The following FAM131B variants were observed in gnomAD, a reference collection of about 807,000 sequenced individuals.
FAM131B encodes family with sequence similarity 131 member B.
In FAM131B, 19 loss-of-function variants were observed where a neutral mutation model predicts 42.0. That is an observed-to-expected ratio of 0.45 (90% CI 0.32 to 0.66). The LOEUF (loss-of-function observed/expected upper bound fraction) is 0.66. Among genes scored for constraint, FAM131B ranks in the 30% least tolerant of loss-of-function variants. FAM131B has a pLI of 0.05. For missense variants in FAM131B, 370 were observed against 468.4 expected, an observed-to-expected ratio of 0.79 and a Z score of 1.94; for synonymous variants, 183 against 177.6, an observed-to-expected ratio of 1.03 and a Z score of -0.24.
At chr7:143,365,394 G>T (rs187079767), upstream of FAM131B, among the ~76,000 whole-genome samples, 51 of 152,106 alleles carry the variant, frequency 3.4e-4, no homozygotes, top group African/African-American at 1.2e-3. Flanking sequence ...GAGAGATAGA[G>T]AAAAAAATAA....
chr7:143,360,058 G>A lies in FAM131B; in HGVS notation c.120C>T (p.Leu40=), dbSNP rs756015911. 6.2e-7 allele frequency: 1 copy of A among 1,613,676 alleles called. No individual in the cohort carries two copies. Among genetic ancestry groups the A allele is most frequent in the Non-Finnish European group, 8.5e-7 (1 of 1,179,732 alleles). The part of the protein sequence containing the change: ...DSTSSLHGSS[L]HRPSTEQTRT... ...GTCTCACCTCAGTCGATGGCCGATG[G>A]AGGCTGCTCCCGTGCAGTGAGCTGG... The change falls in exon 2 of 7, where the codon CTC becomes CTT. Residue 40 remains leucine, a synonymous_variant. Transcript: ENST00000443739.
the FAM131B span, chr7:143,381,186 T>C: frequency 8.1e-6 from 8 of 990,402 alleles, no homozygotes; most frequent in Non-Finnish European, 9.6e-6. Flanking sequence ...CCTGGGGGAG[T>C]TTCCTGCCTG....
the FAM131B span, among the ~76,000 whole-genome samples, chr7:143,370,666 G>C: frequency 6.6e-6 from 1 of 152,086 alleles, no homozygotes; most frequent in Non-Finnish European, 1.5e-5. Flanking sequence ...GGTCTAAAAT[G>C]GGGAGGTATG....
Position 143,356,592 on chromosome 7 carries a change from A to G in FAM131B, c.1041T>C (p.Gly347=), listed in dbSNP as rs773075112. The stretch of plus-strand genomic sequence containing the variant: ...CTTCCTCCTCATCAAAGGACTGCAC[A>G]CCTGAGGATGTGACGTCAGACACCT... ...SRKVSDVTSS[G]VQSFDEEEGE... The change falls in exon 7 of 7, where the codon GGT becomes GGC. Residue 347 remains glycine (G), a synonymous_variant. Coordinates refer to ENST00000443739, the MANE Select transcript of FAM131B (RefSeq NM_001031690.3). The surrounding 1 kb of genome is among the most constrained non-coding windows in gnomAD (Gnocchi z 4.4). 6.2e-7 allele frequency: 1 copy of G among 1,613,888 alleles called. No individual in the cohort carries two copies. The highest frequency in any genetic ancestry group is 1.7e-5 in the Admixed American group (1 of 59,992).
At position 143,359,313 on chromosome 7, in the gene FAM131B, T is replaced by C. The variant is rs1245018418; in HGVS notation, c.268+13A>G. On this transcript the variant is annotated intron_variant, in intron 4 of 6. Coordinates refer to ENST00000443739, the MANE Select transcript of FAM131B (RefSeq NM_001031690.3). The surrounding 1 kb of genome is among the most constrained non-coding windows in gnomAD (Gnocchi z 5.4). ...TATTTTGTCTGAAGGCATTCTTACATCAGGAGTCTCACCTGAGAATGATGA... is the reference window on the plus strand; with the variant it reads ...TATTTTGTCTGAAGGCATTCTTACACCAGGAGTCTCACCTGAGAATGATGA... The C allele has an allele frequency of 6.3e-7, 1 of 1,596,050 alleles. No individual in the cohort carries two copies. Among genetic ancestry groups the C allele is most frequent in the East Asian group, 2.2e-5 (1 of 44,758 alleles).
At chr7:143,374,811 T>G in the FAM131B span, among the ~76,000 whole-genome samples, 1 of 152,224 alleles carries the variant, frequency 6.6e-6, no homozygotes, top group African/African-American at 2.4e-5. Context: ...CTTTGCATAC[T>G]TAACTTCTGC....
At chr7:143,378,369 A>C in the FAM131B span, among the ~76,000 whole-genome samples, 1 of 152,116 alleles carries the variant, frequency 6.6e-6, no homozygotes, top group Non-Finnish European at 1.5e-5. Flanking sequence ...GAGGCGCGTG[A>C]AGATGTTTTA....
chr7:143,381,857 C>G, the FAM131B span: 2 of 1,368,182 alleles, frequency 1.5e-6, no homozygotes, highest in African/African-American at 2.9e-5. Context: ...TTGGGGATGT[C>G]TGGAAAGGTT....
the FAM131B span, among the ~76,000 whole-genome samples, chr7:143,378,194 A>G: frequency 6.6e-6 from 1 of 152,236 alleles, no homozygotes; most frequent in Non-Finnish European, 1.5e-5. Context: ...TGCAGTTGGC[A>G]TATGGAAAGA....
the FAM131B span, among the ~76,000 whole-genome samples, chr7:143,372,499 G>A: frequency 1.3e-5 from 2 of 152,240 alleles, no homozygotes; most frequent in Non-Finnish European, 2.9e-5. Flanking sequence ...ATTGTACAGA[G>A]ATGGCTCAGG....
chr7:143,358,827 C>G lies in FAM131B; in HGVS notation c.466G>C (p.Gly156Arg), dbSNP rs772453659. Residue 156 changes from glycine (G) to arginine (R), a missense_variant and splice_region_variant, in exon 5 of 7, where the codon GGC (glycine) becomes CGC (arginine). Coordinates refer to ENST00000443739, the MANE Select transcript of FAM131B (RefSeq NM_001031690.3). This position sits in a 1 kb window ranked among gnomAD's most constrained non-coding sequence, Gnocchi z 4.7. ...TCTTGAGGCTTTAGGGTACCTGTAC[C>G]TGCTAGAAAACGTGCCTCCTTCTCG... Reference protein sequence around the residue: ...DGEKEARFLAGVMEQFAISEA... With the variant: ...DGEKEARFLARVMEQFAISEA... 6.2e-7 allele frequency: 1 copy of G among 1,613,744 alleles called. No homozygotes were observed. Among genetic ancestry groups the G allele is most frequent in the Non-Finnish European group, 8.5e-7 (1 of 1,179,844 alleles).
At position 143,356,708 on chromosome 7, in the gene FAM131B, C is replaced by T; in HGVS notation, c.925G>A (p.Ala309Thr). 1 of 1,614,168 alleles carries T rather than the reference C, an allele frequency of 6.2e-7. No individual in the cohort carries two copies. Among genetic ancestry groups the T allele is most frequent in the Non-Finnish European group, 8.5e-7 (1 of 1,180,026 alleles). ...GPAEEEKRPL[A>T]PEEEEDAGCR... The stretch of plus-strand genomic sequence containing the variant: ...CCCGCATCCTCTTCCTCCTCAGGTG[C>T]CAATGGCCTCTTCTCCTCCTCAGCA... Residue 309 changes from alanine to threonine, a missense_variant, in exon 7 of 7, where the codon GCA (alanine) becomes ACA (threonine). Coordinates refer to ENST00000443739, the MANE Select transcript of FAM131B (RefSeq NM_001031690.3). This position sits in a 1 kb window ranked among gnomAD's most constrained non-coding sequence, Gnocchi z 4.4.
the FAM131B span, chr7:143,381,733 C>T: frequency 3.8e-6 from 6 of 1,598,754 alleles, no homozygotes; most frequent in Non-Finnish European, 5.1e-6. Context: ...GGGCCCAGCG[C>T]GCACAGATGG....
At position 143,354,843 on chromosome 7, in the gene FAM131B, T is replaced by A. The variant is rs1330656546; in HGVS notation, c.*1707A>T. On this transcript the variant is annotated 3_prime_UTR_variant, in exon 7 of 7. Coordinates refer to ENST00000443739, the MANE Select transcript of FAM131B (RefSeq NM_001031690.3). ...GAAGTGTGAGTAAGAGAGTATGAACTTGATGGCGGGACAGGACCATAGATG... is the reference window on the plus strand; with the variant it reads ...GAAGTGTGAGTAAGAGAGTATGAACATGATGGCGGGACAGGACCATAGATG... 2 of 152,288 alleles carry A rather than the reference T, an allele frequency of 1.3e-5. No individual in the cohort carries two copies. The highest frequency in any genetic ancestry group is 4.8e-5 in the African/African-American group (2 of 41,424). 9.4% of individuals were successfully genotyped at this position (152,288 alleles called of 1,614,324 possible).
the FAM131B span, chr7:143,381,481 G>A: frequency 1.4e-6 from 2 of 1,397,516 alleles, no homozygotes; most frequent in Non-Finnish European, 1.9e-6. Flanking sequence ...GCGAGTGGGG[G>A]TCACCAAGGG....
At chr7:143,368,632 C>A in the FAM131B span, among the ~76,000 whole-genome samples, 1 of 152,242 alleles carries the variant, frequency 6.6e-6, no homozygotes, top group Non-Finnish European at 1.5e-5. Flanking sequence ...TCCTCCCCAG[C>A]TTCTGCCTCT....
rs1803802522 is a variant in FAM131B, at chr7:143,358,698, G to A, written c.466+129C>T. ...GAATTACCACATCAAAATACTTAGA[G>A]CTGTTTGGGAAATGTGAATCTACGG... is the stretch of plus-strand genomic sequence containing the variant. On this transcript the variant is annotated intron_variant, in intron 5 of 6. Coordinates refer to ENST00000443739, the MANE Select transcript of FAM131B (RefSeq NM_001031690.3). This position sits in a 1 kb window ranked among gnomAD's most constrained non-coding sequence, Gnocchi z 4.7. 1 of 684,560 alleles carries A rather than the reference G, an allele frequency of 1.5e-6. No individual in the cohort carries two copies. Among genetic ancestry groups the A allele is most frequent in the African/African-American group, 1.8e-5 (1 of 56,504 alleles). The allele number at this position is 684,560 out of a possible 1,614,324, so 42.4% of individuals were successfully genotyped here.
At chr7:143,368,107 G>A in the FAM131B span, among the ~76,000 whole-genome samples, 4 of 152,204 alleles carry the variant, frequency 2.6e-5, no homozygotes, top group Non-Finnish European at 4.4e-5. Context: ...TCCTGGTCAG[G>A]TCCCAAGCAC....
the FAM131B span, among the ~76,000 whole-genome samples, chr7:143,378,820 G>C: frequency 6.6e-6 from 1 of 152,102 alleles, no homozygotes; most frequent in African/African-American, 2.4e-5. Flanking sequence ...CAAGTGATCT[G>C]CCTGCCTTGG....
Sources: gnomAD v4.1 joint callset for allele counts (sites outside exome capture counted in the v4.1 genomes callset) on GRCh38, gnomAD v4.1.1 for gene constraint, Gnocchi (gnomAD v3.1) non-coding constraint, MANE v1.5 for transcripts, NCBI Gene and HGNC (gene_info 2026-07-23, HGNC 2026-07-21) for gene names.